Variants in RFPL3 observed in about 807,000 individuals in gnomAD.
RFPL3 encodes the protein ret finger protein like 3.
In RFPL3, 8 loss-of-function variants were observed where a neutral mutation model predicts 8.7. The ratio of observed to expected loss-of-function variants is 0.92; its 90% CI spans 0.54 to 1.66. The LOEUF (loss-of-function observed/expected upper bound fraction) is 1.66, where lower values mean the gene tolerates loss of function less well. Ranked by LOEUF, RFPL3 falls within the 40% of genes most tolerant of loss-of-function variation. The probability of loss-of-function intolerance (pLI) is 0.00; values close to 1 mark genes in which losing one functional copy is unlikely to be tolerated. For missense variants in RFPL3, 341 were observed against 395.0 expected (o/e 0.86, Z 1.16); for synonymous variants, 145 against 150.5 (o/e 0.96, Z 0.27).
In RFPL3 at chr22:32,360,954, A is replaced by G. The variant is rs748968825; in HGVS notation, c.*122A>G. ...AAGATATGGGACATTTCTATAATCTATATTCTAATTTGATTCGATTATTGA... is the reference window on the plus strand; with the variant it reads ...AAGATATGGGACATTTCTATAATCTGTATTCTAATTTGATTCGATTATTGA... On this transcript the variant is annotated 3_prime_UTR_variant, in exon 2 of 2. Coordinates refer to ENST00000249007, the MANE Select transcript of RFPL3 (RefSeq NM_001098535.1). 40 of 973,780 alleles carry G rather than the reference A, an allele frequency of 4.1e-5. No individual in the cohort carries two copies. The highest frequency in any genetic ancestry group is 5.1e-5 in the Non-Finnish European group (36 of 699,474). 60.3% of individuals were successfully genotyped at this position (973,780 alleles called of 1,614,324 possible).
At chr22:32,356,849 G>A (rs113093612), upstream of RFPL3, 4,938 of 441,400 alleles carry the variant, frequency 0.011, 213 homozygotes, top group African/African-American at 0.093. Flanking sequence ...GGGTGACAGG[G>A]GTGCTGTTTG....
At chr22:32,356,975 G>C (rs1003176699), upstream of RFPL3, 17 of 511,274 alleles carry the variant, frequency 3.3e-5, no homozygotes, top group African/African-American at 3.3e-4. Context: ...CAAGGGGGTG[G>C]CCTTGGGCTG....
In RFPL3 at chr22:32,357,893, G is replaced by T. The variant is rs1306076636; in HGVS notation, c.-179G>T. On this transcript the variant is annotated 5_prime_UTR_variant, in exon 1 of 2. Transcript: ENST00000249007. The stretch of plus-strand genomic sequence containing the variant: ...CCACGTCACTGGCTCAGGCTCAGCT[G>T]CTGGGTCACCAGGAGAATGGACCCT... 8 of 1,462,502 alleles carry T rather than the reference G, an allele frequency of 5.5e-6. No homozygotes were observed. In the Admixed American group the frequency reaches 1.9e-4, roughly 35 times the overall value. The allele number at this position is 1,462,502 out of a possible 1,614,324, so 90.6% of individuals were successfully genotyped here.
upstream of RFPL3, among the ~76,000 whole-genome samples, chr22:32,355,075 C>A (rs140821024): frequency 2.2e-4 from 33 of 151,110 alleles, no homozygotes; most frequent in East Asian, 6.2e-3. Context: ...AAACTCCCCC[C>A]ACTTGGCATC....
Position 32,357,965 on chromosome 22 carries a change from A to G in RFPL3, c.-107A>G, listed in dbSNP as rs1601405904. ...ACAGTGATGATTCGTGACTTTCCCA[A>G]TAGAACTTCAAATCTCTGAGGACGG... is the stretch of plus-strand genomic sequence containing the variant. On this transcript the variant is annotated 5_prime_UTR_variant, in exon 1 of 2. Coordinates refer to ENST00000249007, the MANE Select transcript of RFPL3 (RefSeq NM_001098535.1). 1.9e-6 allele frequency: 3 copies of G among 1,543,920 alleles called. No homozygotes were observed. The highest frequency in any genetic ancestry group is 2.3e-5 in the East Asian group (1 of 43,332).
At position 32,361,019 on chromosome 22, in the gene RFPL3, G is replaced by A; in HGVS notation, c.*187G>A. 1 of 516,448 alleles carries A rather than the reference G, an allele frequency of 1.9e-6. No individual in the cohort carries two copies. The highest frequency in any genetic ancestry group is 3.2e-6 in the Non-Finnish European group (1 of 316,508). The allele number at this position is 516,448 out of a possible 1,614,324, so 32.0% of individuals were successfully genotyped here. ...TTATTGCCACCATCCAACTCATTGA[G>A]TCTTATGGTTCACATCTTGTTTCCT... On this transcript the variant is annotated 3_prime_UTR_variant, in exon 2 of 2. Transcript: ENST00000249007.
rs764845928 is a variant in RFPL3, at chr22:32,358,240, T to C, written c.169T>C (p.Cys57Arg). The C allele has an allele frequency of 2.5e-6, 4 of 1,613,850 alleles. No individual in the cohort carries two copies. The East Asian group carries it at 6.7e-5, about 27-fold the overall frequency. ...AAAACCAATGTCCCTGGAGTGTGGA[T>C]GCACCGTCTGCCTCAAGTGCATCAA... ...LEKPMSLECG[C>R]TVCLKCINSL... The change falls in exon 1 of 2, where the codon TGC (cysteine) becomes CGC (arginine). Residue 57 changes from cysteine (C) to arginine (R), a missense_variant. Transcript: ENST00000249007.
intron 1 of RFPL3, among the ~76,000 whole-genome samples, chr22:32,359,621 T>A (rs1464973640): frequency 1.3e-5 from 2 of 152,150 alleles, no homozygotes. Flanking sequence ...GGCTCCAAAA[T>A]TTACCATTGT....
intron 1 of RFPL3, among the ~76,000 whole-genome samples, chr22:32,358,910 G>C (rs770646534): frequency 6.6e-6 from 1 of 152,168 alleles, no homozygotes; most frequent in Non-Finnish European, 1.5e-5. Flanking sequence ...CTCACCCCAG[G>C]GTTGAGAAGA....
At chr22:32,360,090 A>G (rs759787770) in intron 1 of RFPL3, 162 bp from the exon 2 acceptor site, 11 of 887,182 alleles carry the variant, frequency 1.2e-5, no homozygotes, top group South Asian at 9.5e-5. Context: ...ATACCTATGA[A>G]AATTTGAAAT....
chr22:32,360,190 A>T, intron 1 of RFPL3, 62 bp from the exon 2 acceptor site: 1 of 1,537,964 alleles, frequency 6.5e-7, no homozygotes, highest in East Asian at 2.3e-5. Flanking sequence ...CCTTTGAAGT[A>T]GAAGAGAGGC....
At chr22:32,357,738 A>C (rs1932715982), upstream of RFPL3, 3 of 627,600 alleles carry the variant, frequency 4.8e-6, no homozygotes, top group Non-Finnish European at 6.6e-6. Context: ...AAGTGCTGGG[A>C]TTACAGGCAT....
chr22:32,357,726 C>G (rs919219125), upstream of RFPL3: 6 of 518,572 alleles, frequency 1.2e-5, no homozygotes, highest in African/African-American at 2.0e-5. Flanking sequence ...CTTGGCCTCC[C>G]GAAGTGCTGG....
At chr22:32,358,725 G>A (rs1363557383) in intron 1 of RFPL3, among the ~76,000 whole-genome samples, 3 of 152,212 alleles carry the variant, frequency 2.0e-5, no homozygotes, top group African/African-American at 2.4e-5. Flanking sequence ...TGCAGATGCT[G>A]AACTGGGAAG....
At chr22:32,360,204 G>T in intron 1 of RFPL3, 48 bp from the exon 2 acceptor site, 1 of 1,571,616 alleles carries the variant, frequency 6.4e-7, no homozygotes, top group East Asian at 2.3e-5. Context: ...GAGAGGCATG[G>T]GGTTGGCTTC....
chr22:32,358,273 C>A lies in RFPL3; in HGVS notation c.202C>A (p.Gln68Lys). The change falls in exon 1 of 2, where the codon CAG becomes AAG. Residue 68 changes from glutamine to lysine, a missense_variant. Gln to Lys is a moderately conservative substitution (Grantham distance 53, BLOSUM62 1). Coordinates refer to ENST00000249007, the MANE Select transcript of RFPL3 (RefSeq NM_001098535.1). ...CTGCCTCAAGTGCATCAATTCGCTG[C>A]AGAAGGAGCCCCATGGGGAGGATCT... The part of the protein sequence containing the change: ...TVCLKCINSL[Q>K]KEPHGEDLLC... 6.2e-7 allele frequency: 1 copy of A among 1,613,930 alleles called. No individual in the cohort carries two copies. Among genetic ancestry groups the A allele is most frequent in the South Asian group, 1.1e-5 (1 of 91,076 alleles).
chr22:32,357,032 C>G (rs1270078647), upstream of RFPL3: 6 of 420,314 alleles, frequency 1.4e-5, no homozygotes, highest in Non-Finnish European at 2.4e-5. Context: ...TGTTGTGTAC[C>G]TGGGAGCCCC....
At position 32,357,996 on chromosome 22, in the gene RFPL3, G is replaced by T. The variant is rs1932723589; in HGVS notation, c.-76G>T. On this transcript the variant is annotated 5_prime_UTR_variant, in exon 1 of 2. Transcript: ENST00000249007. ...CTTCAAATCTCTGAGGACGGGGGGTGGGGGGATGTGCTTGAGTGTTTGTAC... is the reference window on the plus strand; with the variant it reads ...CTTCAAATCTCTGAGGACGGGGGGTTGGGGGATGTGCTTGAGTGTTTGTAC... 1 of 1,563,786 alleles carries T rather than the reference G, an allele frequency of 6.4e-7. No individual in the cohort carries two copies. Among genetic ancestry groups the T allele is most frequent in the African/African-American group, 1.4e-5 (1 of 73,732 alleles).
At chr22:32,355,432 C>A (rs747275207), upstream of RFPL3, among the ~76,000 whole-genome samples, 1 of 152,030 alleles carries the variant, frequency 6.6e-6, no homozygotes, top group Non-Finnish European at 1.5e-5. Context: ...CAGAGAAAGT[C>A]CTGATGTGGG....
Sources: gnomAD v4.1 joint callset for allele counts (sites outside exome capture counted in the v4.1 genomes callset) on GRCh38, gnomAD v4.1.1 for gene constraint, MANE v1.5 for transcripts, NCBI Gene and HGNC (gene_info 2026-07-23, HGNC 2026-07-21) for gene names.